Variants in ABCA10 observed in about 807,000 individuals in gnomAD.
ABCA10 encodes ATP-binding cassette sub-family A member 10.
Under a neutral mutation model 187.5 loss-of-function variants are expected in ABCA10, and 169 were observed. That is an observed-to-expected ratio of 0.90 (90% confidence interval 0.80 to 1.02). The LOEUF (loss-of-function observed/expected upper bound fraction) is 1.02. Ranked by LOEUF, ABCA10 falls within the 50% of genes least tolerant of loss-of-function variation. ABCA10 has a pLI of 0.00. For synonymous variants in ABCA10, 574 were observed against 601.8 expected, an observed-to-expected ratio of 0.95 and a Z score of 0.68; for missense variants, 1,727 against 1,812.4, an observed-to-expected ratio of 0.95 and a Z score of 0.86.
Position 69,189,668 on chromosome 17 carries a change from G to GTA in ABCA10, c.2131+688_2131+689dup, listed in dbSNP as rs558454375. Among the ~76,000 whole-genome samples, 80 of 152,238 alleles carry GTA rather than the reference G, an allele frequency of 5.3e-4. No individual in the cohort carries two copies. The South Asian group carries it at 0.015, about 29-fold the overall frequency. On this transcript the variant is annotated intron_variant, in intron 18 of 38. Coordinates refer to ENST00000690296, the MANE Select transcript of ABCA10 (RefSeq NM_001377321.1). ...TTATAGTCTTAGGTTTTACATTTAA[G>GTA]TATTTAATCCATCTTGAGTTTATTT...
chr17:69,149,143 TAA>T, intron 37 of ABCA10, 55 bp from the exon 38 acceptor site: 1 of 1,587,268 alleles, frequency 6.3e-7, no homozygotes, highest in Non-Finnish European at 8.6e-7. Flanking sequence ...CAAGTGTTTG[TAA>T]AGTCATACAA....
intron 1 of ABCA10, among the ~76,000 whole-genome samples, chr17:69,242,864 G>T (rs911153953): frequency 5.9e-5 from 9 of 152,134 alleles, no homozygotes; most frequent in Admixed American, 5.9e-4. Context: ...AAAACATCTT[G>T]TTTTAGCGGA....
chr17:69,190,310 C>T (rs752160488), intron 18 of ABCA10, 48 bp downstream of exon 18: 2 of 1,499,192 alleles, frequency 1.3e-6, no homozygotes, highest in Non-Finnish European at 1.8e-6. Context: ...TCATCTTTTT[C>T]TCTTCTCTTT....
rs777532257 is a variant in ABCA10 at position 69,215,953 on chromosome 17, G to A, written c.720C>T (p.Leu240=). 1.1e-5 allele frequency: 17 copies of A among 1,613,710 alleles called. No individual in the cohort carries two copies. Among genetic ancestry groups the A allele is most frequent in the Middle Eastern group, 1.6e-4 (1 of 6,082 alleles). The stretch of plus-strand genomic sequence containing the variant: ...TGAAGAGAAATCCAGCCAAACCAGC[G>A]AGCATAGGTTTCCTTATTAAAACAC... ...LMSVLIRKPM[L]AGLAGFLFTV... The change falls in exon 8 of 39, where the codon CTC becomes CTT. Residue 240 remains leucine, a synonymous_variant. Transcript: ENST00000690296.
chr17:69,184,839 A>G (rs2074407450), intron 20 of ABCA10, among the ~76,000 whole-genome samples: 1 of 105,122 alleles, frequency 9.5e-6, no homozygotes, highest in Admixed American at 9.7e-5. Flanking sequence ...AAAGTTATAT[A>G]TATATGTATA....
In ABCA10 at chr17:69,149,021, A is replaced by T. The variant is rs373412638; in HGVS notation, c.4533+12T>A. The stretch of plus-strand genomic sequence containing the variant: ...CATCTGGATGGTGCTCACTCGTTCA[A>T]TGAAAACCCACCTGCTCCAAGGTAG... On this transcript the variant is annotated intron_variant, in intron 38 of 38. Transcript: ENST00000690296. The T allele has an allele frequency of 6.2e-7, 1 of 1,613,758 alleles. No homozygotes were observed. The highest frequency in any genetic ancestry group is 8.5e-7 in the Non-Finnish European group (1 of 1,179,898).
chr17:69,221,441 G>A (rs2074746589), intron 5 of ABCA10, among the ~76,000 whole-genome samples: 2 of 152,190 alleles, frequency 1.3e-5, no homozygotes, highest in African/African-American at 2.4e-5. Flanking sequence ...TTTAAATCCT[G>A]AAGAGAAGAA....
intron 25 of ABCA10, among the ~76,000 whole-genome samples, chr17:69,173,157 C>A (rs2074309763): frequency 1.3e-5 from 2 of 152,152 alleles, no homozygotes; most frequent in Admixed American, 6.5e-5. Flanking sequence ...AGATCAATGA[C>A]TAATGCCGAT....
At chr17:69,221,560 G>T (rs756310668) in intron 5 of ABCA10, among the ~76,000 whole-genome samples, 1 of 152,228 alleles carries the variant, frequency 6.6e-6, no homozygotes, top group Non-Finnish European at 1.5e-5. Context: ...ACTGAGGAAA[G>T]ACATTAGGGA....
At chr17:69,201,799 T>C in intron 9 of ABCA10, 131 bp from the exon 10 acceptor site, 1 of 840,428 alleles carries the variant, frequency 1.2e-6, no homozygotes, top group African/African-American at 1.8e-5. Context: ...TATAATTTTT[T>C]TTTTTGAGAC....
In ABCA10 at chr17:69,152,436, G is replaced by A; in HGVS notation, c.4182C>T (p.Leu1394=). The A allele has an allele frequency of 5.0e-6, 8 of 1,614,002 alleles. No homozygotes were observed. Among genetic ancestry groups the A allele is most frequent in the Non-Finnish European group, 6.8e-6 (8 of 1,179,926 alleles). ...CCTCTGACATGTAATGGGTGGTCAA[G>A]AGGGTGCCCCTCTCCTTGTTTTTAA... ...ATVKNKERGT[L]LTTHYMSEAE... The change falls in exon 35 of 39, where the codon CTC becomes CTT. Residue 1394 remains leucine, a synonymous_variant. Transcript: ENST00000690296.
Position 69,182,917 on chromosome 17 carries a change from T to G in ABCA10, c.2498-109A>C, listed in dbSNP as rs1400250995. The G allele has an allele frequency of 8.8e-6, 12 of 1,370,464 alleles. No individual in the cohort carries two copies. The South Asian group carries it at 1.7e-4, about 19-fold the overall frequency. The allele number at this position is 1,370,464 out of a possible 1,614,324, so 84.9% of individuals were successfully genotyped here. A position where few individuals can be genotyped will look rare whatever the true frequency, so the allele number is the denominator to read the frequency against. ...CAATCGTGTTAAGAAAAACCCAGAA[T>G]AGCTTAGTAAAGAGCCTTGCTCTTT... On this transcript the variant is annotated intron_variant, in intron 20 of 38. Transcript: ENST00000690296.
At position 69,204,719 on chromosome 17, in the gene ABCA10, T is replaced by C. The variant is rs139115030; in HGVS notation, c.1007-3051A>G. Among the ~76,000 whole-genome samples the C allele has an allele frequency of 2.0e-3, 309 of 152,394 alleles. 3 individuals are homozygous for C. The highest frequency in any genetic ancestry group is 7.2e-3 in the African/African-American group (298 of 41,594). On this transcript the variant is annotated intron_variant, in intron 9 of 38. Coordinates refer to ENST00000690296, the MANE Select transcript of ABCA10 (RefSeq NM_001377321.1). ...TAAGTAGATTAAACCTGATGTCTAA[T>C]TGGTACAGATACCATTAGCAATTCT...
chr17:69,179,805 T>C (rs2074365318), intron 22 of ABCA10, among the ~76,000 whole-genome samples: 1 of 152,164 alleles, frequency 6.6e-6, no homozygotes, highest in African/African-American at 2.4e-5. Context: ...ACCATCTTTC[T>C]TCCTCCAGAG....
At chr17:69,185,725 A>G (rs2144794726) in intron 19 of ABCA10, 82 bp from the exon 20 acceptor site, 1 of 1,160,950 alleles carries the variant, frequency 8.6e-7, no homozygotes, top group African/African-American at 1.5e-5. Flanking sequence ...TATAAGTGCT[A>G]ACTATGGAAA....
chr17:69,191,476 A>G (rs2074459588), intron 16 of ABCA10, among the ~76,000 whole-genome samples, 161 bp from the exon 17 acceptor site: 2 of 152,326 alleles, frequency 1.3e-5, no homozygotes, highest in South Asian at 4.1e-4. Flanking sequence ...TCAAATTGCT[A>G]ATTCAACTTC....
chr17:69,155,892 A>T lies in ABCA10; in HGVS notation c.3489T>A (p.Asn1163Lys), dbSNP rs774368713. ...CATCTTCTTCTTCGGGCTCTTCCGGATTGGGATGAGTTTCTCTACTCCGTG... is the reference window on the plus strand; with the variant it reads ...CATCTTCTTCTTCGGGCTCTTCCGGTTTGGGATGAGTTTCTCTACTCCGTG... ...ISPRSRETHP[N>K]PEEPEEEDED... Residue 1163 changes from asparagine (N) to lysine (K), a missense_variant, in exon 29 of 39, where the codon AAT becomes AAA. Physicochemically the swap from Asn to Lys is moderately conservative, Grantham distance 94. Coordinates refer to ENST00000690296, the MANE Select transcript of ABCA10 (RefSeq NM_001377321.1). 1.2e-6 allele frequency: 2 copies of T among 1,613,660 alleles called. No individual in the cohort carries two copies. Among genetic ancestry groups the T allele is most frequent in the Non-Finnish European group, 1.7e-6 (2 of 1,179,736 alleles).
At chr17:69,185,690 G>A in intron 19 of ABCA10, 47 bp from the exon 20 acceptor site, 2 of 1,450,658 alleles carry the variant, frequency 1.4e-6, no homozygotes, top group Non-Finnish European at 1.9e-6. Context: ...ATTTTCCTCT[G>A]GTTATTTAAG....
intron 5 of ABCA10, 43 bp from the exon 6 acceptor site, chr17:69,219,814 A>G: frequency 7.7e-7 from 1 of 1,297,144 alleles, no homozygotes; most frequent in Non-Finnish European, 1.1e-6. Flanking sequence ...AACTATAGAC[A>G]AAATATATTA....
Sources: gnomAD v4.1 joint callset for allele counts (sites outside exome capture counted in the v4.1 genomes callset) on GRCh38, gnomAD v4.1.1 for gene constraint, MANE v1.5 for transcripts, NCBI Gene and HGNC (gene_info 2026-07-23, HGNC 2026-07-21) for gene names.